ZRANB3: variants seen among roughly 807,000 people sequenced by gnomAD.
The protein encoded by ZRANB3 is zinc finger RANBP2-type containing 3, also known as DNA annealing helicase and endonuclease ZRANB3.
ZRANB3 carries 125 observed loss-of-function variants against 133.8 expected under a neutral mutation model. The ratio of observed to expected loss-of-function variants is 0.93; its 90% CI spans 0.81 to 1.08. The LOEUF (loss-of-function observed/expected upper bound fraction) is 1.08, where lower values mean the gene tolerates loss of function less well. ZRANB3 is among the 50% of genes least tolerant of loss of function. The pLI is 0.00. For synonymous variants in ZRANB3, 387 were observed against 432.7 expected (o/e 0.89, Z 1.31); for missense variants, 1,229 against 1,275.5 (o/e 0.96, Z 0.56).
chr2:135,496,876 T>C (rs1692697129), intron 2 of ZRANB3, among the ~76,000 whole-genome samples: 1 of 152,202 alleles, frequency 6.6e-6, no homozygotes, highest in Admixed American at 6.5e-5. Context: ...TTGTTTAGAA[T>C]GTCATGGCTA....
intron 14 of ZRANB3, among the ~76,000 whole-genome samples, chr2:135,226,378 T>C (rs763183567): frequency 3.9e-5 from 6 of 152,220 alleles, no homozygotes; most frequent in Non-Finnish European, 8.8e-5. Context: ...AATAAGCATT[T>C]AACATAGTGT....
At chr2:135,351,131 A>T (rs946182791) in intron 4 of ZRANB3, among the ~76,000 whole-genome samples, 5 of 152,170 alleles carry the variant, frequency 3.3e-5, no homozygotes, top group African/African-American at 1.2e-4. Context: ...AGAAAAAAAT[A>T]CAGGACAGAG....
chr2:135,462,443 T>C (rs901482537), intron 2 of ZRANB3, among the ~76,000 whole-genome samples: 1 of 152,222 alleles, frequency 6.6e-6, no homozygotes, highest in Non-Finnish European at 1.5e-5. Flanking sequence ...TGTAGCCTAT[T>C]CTCAGGCAAC....
intron 2 of ZRANB3, among the ~76,000 whole-genome samples, chr2:135,411,316 GGTGAGT>G (rs1365561404): frequency 6.6e-6 from 1 of 152,048 alleles, no homozygotes; most frequent in African/African-American, 2.4e-5. Flanking sequence ...TGAGGGGGGA[GGTGAGT>G]GTAAATTAGT....
chr2:135,247,814 C>G (rs1402282108), intron 12 of ZRANB3, among the ~76,000 whole-genome samples: 1 of 152,194 alleles, frequency 6.6e-6, no homozygotes, highest in Non-Finnish European at 1.5e-5. Flanking sequence ...GGCACCTTAG[C>G]TGTTCCAGTC....
intron 2 of ZRANB3, among the ~76,000 whole-genome samples, chr2:135,446,296 G>A (rs1230089978): frequency 6.6e-6 from 1 of 152,058 alleles, no homozygotes; most frequent in African/African-American, 2.4e-5. Context: ...AAATACAGGG[G>A]TAAAAAAGCA....
At position 135,399,902 on chromosome 2, in the gene ZRANB3, G is replaced by A. The variant is rs867723145; in HGVS notation, c.162-9082C>T. Among the ~76,000 whole-genome samples, 6 of 152,160 alleles carry A rather than the reference G, an allele frequency of 3.9e-5. No homozygotes were observed. The South Asian group carries it at 8.3e-4, about 21-fold the overall frequency. On this transcript the variant is annotated intron_variant, in intron 2 of 20. Coordinates refer to ENST00000264159, the MANE Select transcript of ZRANB3 (RefSeq NM_032143.4). The stretch of plus-strand genomic sequence containing the variant: ...TAATTTGTTTTTCGAAAAGGTTTTC[G>A]TATTTTTCTCAATTCTGAACTTAGG...
At chr2:135,455,557 T>C (rs992090580) in intron 2 of ZRANB3, among the ~76,000 whole-genome samples, 2 of 150,548 alleles carry the variant, frequency 1.3e-5, no homozygotes, top group Non-Finnish European at 3.0e-5. Context: ...AATGACTCCA[T>C]ACTACTACTG....
chr2:135,387,146 A>T (rs1179655846), intron 3 of ZRANB3, among the ~76,000 whole-genome samples: 4 of 152,134 alleles, frequency 2.6e-5, no homozygotes, highest in Admixed American at 6.5e-5. Flanking sequence ...TGAGTATTCA[A>T]GAGTTTATAA....
chr2:135,332,004 T>C (rs1684169099), intron 6 of ZRANB3, among the ~76,000 whole-genome samples: 1 of 152,164 alleles, frequency 6.6e-6, no homozygotes, highest in South Asian at 2.1e-4. Flanking sequence ...AAGACAATGT[T>C]AATGCATGGG....
At chr2:135,428,794 C>G (rs1689199202) in intron 2 of ZRANB3, among the ~76,000 whole-genome samples, 1 of 152,200 alleles carries the variant, frequency 6.6e-6, no homozygotes, top group African/African-American at 2.4e-5. Flanking sequence ...TCCTCAACAT[C>G]ACTAATTATT....
At chr2:135,389,114 CAAAA>C (rs1223272614) in intron 3 of ZRANB3, among the ~76,000 whole-genome samples, 1 of 152,010 alleles carries the variant, frequency 6.6e-6, no homozygotes, top group Non-Finnish European at 1.5e-5. Flanking sequence ...AACAAGCAAA[CAAAA>C]AACAACAAAA....
chr2:135,521,080 G>A (rs73956739), intron 1 of ZRANB3, among the ~76,000 whole-genome samples: 5,919 of 152,162 alleles, frequency 0.039, 399 homozygotes, highest in African/African-American at 0.14. Flanking sequence ...TTATCCTCAC[G>A]TTAAGGACAA....
chr2:135,319,320 T>C (rs1413013318), intron 6 of ZRANB3, among the ~76,000 whole-genome samples: 3 of 152,224 alleles, frequency 2.0e-5, no homozygotes, highest in Non-Finnish European at 4.4e-5. Context: ...ACATCTATAA[T>C]GTTTTTTCAA....
At chr2:135,346,259 G>C (rs1267792624) in intron 5 of ZRANB3, among the ~76,000 whole-genome samples, 1 of 152,060 alleles carries the variant, frequency 6.6e-6, no homozygotes. Context: ...ACCATGCCCG[G>C]CTAATTTTGT....
At chr2:135,370,962 C>T (rs1013374743) in intron 3 of ZRANB3, among the ~76,000 whole-genome samples, 7 of 152,190 alleles carry the variant, frequency 4.6e-5, no homozygotes, top group African/African-American at 1.4e-4. Context: ...CTCTCTCCTG[C>T]CACCCTGTGA....
At chr2:135,417,180 A>G (rs1688622016) in intron 2 of ZRANB3, among the ~76,000 whole-genome samples, 1 of 152,248 alleles carries the variant, frequency 6.6e-6, no homozygotes, top group Non-Finnish European at 1.5e-5. Flanking sequence ...GGCAACCTAC[A>G]GAATGGGAGG....
intron 2 of ZRANB3, among the ~76,000 whole-genome samples, chr2:135,456,739 T>C (rs933831725): frequency 1.3e-5 from 2 of 152,130 alleles, no homozygotes; most frequent in Non-Finnish European, 2.9e-5. Flanking sequence ...ATTTTTTACG[T>C]GGATACAAAG....
At chr2:135,309,555 T>C (rs1028630888) in intron 8 of ZRANB3, among the ~76,000 whole-genome samples, 2 of 152,180 alleles carry the variant, frequency 1.3e-5, no homozygotes, top group Admixed American at 1.3e-4. Context: ...AATAAAAGGT[T>C]AATATAAGAA....
Sources: gnomAD v4.1 joint callset for allele counts (sites outside exome capture counted in the v4.1 genomes callset) on GRCh38, gnomAD v4.1.1 for gene constraint, MANE v1.5 for transcripts, NCBI Gene and HGNC (gene_info 2026-07-23, HGNC 2026-07-21) for gene names.